Variants in KCNH5 observed in about 807,000 individuals in gnomAD.
KCNH5 encodes the protein potassium voltage-gated channel subfamily H member 5.
Under a neutral mutation model 96.1 loss-of-function variants are expected in KCNH5, and 46 were observed. The observed-to-expected ratio is 0.48, with a 90% confidence interval of 0.38 to 0.61. The LOEUF is 0.61. Among genes scored for constraint, KCNH5 ranks in the 20% least tolerant of loss-of-function variants. KCNH5 has a pLI of 0.00. For synonymous variants in KCNH5, 439 were observed against 449.8 expected, an observed-to-expected ratio of 0.98 and a Z score of 0.30; for missense variants, 907 against 1,225.8, an observed-to-expected ratio of 0.74 and a Z score of 3.88.
chr14:62,712,655 G>A (rs371632437), intron 10 of KCNH5: 14 of 776,202 alleles, frequency 1.8e-5, no homozygotes, highest in Middle Eastern at 4.5e-4. Flanking sequence ...GTAGGAAGTC[G>A]TGCAGCAGTT....
chr14:62,850,127 A>G (rs1213934058), intron 7 of KCNH5, among the ~76,000 whole-genome samples: 2 of 152,170 alleles, frequency 1.3e-5, no homozygotes, highest in Admixed American at 1.3e-4. Flanking sequence ...ATCCAAAGTT[A>G]TAATTTTCTG....
chr14:63,001,312 T>A lies in KCNH5; in HGVS notation c.433+19A>T. 1 of 1,591,412 alleles carries A rather than the reference T, an allele frequency of 6.3e-7. No individual in the cohort carries two copies. Among genetic ancestry groups the A allele is most frequent in the African/African-American group, 1.3e-5 (1 of 74,110 alleles). On this transcript the variant is annotated intron_variant, in intron 4 of 10. Coordinates refer to ENST00000322893, the MANE Select transcript of KCNH5 (RefSeq NM_139318.5). ...GCAACAGCCTAATTTTTCAGTGTAGTAATTCTTTTGAAAATTACCTTTTGT... is the reference window on the plus strand; with the variant it reads ...GCAACAGCCTAATTTTTCAGTGTAGAAATTCTTTTGAAAATTACCTTTTGT...
intron 8 of KCNH5, among the ~76,000 whole-genome samples, chr14:62,843,007 T>C (rs148412898): frequency 2.4e-4 from 37 of 152,316 alleles, no homozygotes; most frequent in African/African-American, 8.4e-4. Flanking sequence ...CATATGTGCC[T>C]AAATCTTTTA....
At chr14:62,864,321 A>T (rs569133333) in intron 7 of KCNH5, among the ~76,000 whole-genome samples, 17 of 152,198 alleles carry the variant, frequency 1.1e-4, no homozygotes, top group Non-Finnish European at 2.1e-4. Context: ...AATTAGGTCA[A>T]TTTCCAATTT....
chr14:62,852,686 G>C (rs1887831380), intron 7 of KCNH5, among the ~76,000 whole-genome samples: 1 of 151,438 alleles, frequency 6.6e-6, no homozygotes, highest in Non-Finnish European at 1.5e-5. Flanking sequence ...ATAGATTCAT[G>C]TCATTTACAT....
chr14:63,005,181 T>A (rs1414553452), intron 3 of KCNH5, among the ~76,000 whole-genome samples: 1 of 152,198 alleles, frequency 6.6e-6, no homozygotes, highest in South Asian at 2.1e-4. Context: ...TAGCTATGAC[T>A]TCAAACTGAA....
chr14:63,028,288 A>C (rs1445576013), intron 1 of KCNH5, among the ~76,000 whole-genome samples: 1 of 152,106 alleles, frequency 6.6e-6, no homozygotes, highest in Non-Finnish European at 1.5e-5. Flanking sequence ...GGGTCCAGCT[A>C]TCACTACCCA....
intron 5 of KCNH5, among the ~76,000 whole-genome samples, chr14:62,982,906 T>A (rs1247016352): frequency 1.3e-5 from 2 of 152,200 alleles, no homozygotes; most frequent in Non-Finnish European, 2.9e-5. Context: ...TAACAGCAAA[T>A]CATCCTACCA....
At position 62,954,183 on chromosome 14, in the gene KCNH5, TTACA is replaced by T. The variant is rs144887412; in HGVS notation, c.943-3628_943-3625del. Reference sequence around the variant, plus strand: ...TCCCCCACTCTTAGTGGTTAGGATCTTACATACAGTTTATGACAAATACTCTCTC... The same window carrying T: ...TCCCCCACTCTTAGTGGTTAGGATCTTACAGTTTATGACAAATACTCTCTC... On this transcript the variant is annotated intron_variant, in intron 6 of 10. Transcript: ENST00000322893. Among the ~76,000 whole-genome samples, 200 of 152,326 alleles carry T rather than the reference TTACA, an allele frequency of 1.3e-3. 6 individuals carry two copies. The East Asian group carries it at 0.032, about 24-fold the overall frequency.
At chr14:62,834,682 A>G (rs1243591700) in intron 8 of KCNH5, among the ~76,000 whole-genome samples, 2 of 152,158 alleles carry the variant, frequency 1.3e-5, no homozygotes, top group Middle Eastern at 3.4e-3. Context: ...TGGACTCATC[A>G]TCGGTATTTG....
At chr14:62,809,150 A>C (rs993143031) in intron 8 of KCNH5, among the ~76,000 whole-genome samples, 3 of 152,162 alleles carry the variant, frequency 2.0e-5, no homozygotes, top group African/African-American at 7.2e-5. Context: ...GTAGCAATTG[A>C]GCAAAGTATA....
chr14:62,729,208 G>A (rs943164750), intron 10 of KCNH5, among the ~76,000 whole-genome samples: 1 of 152,012 alleles, frequency 6.6e-6, no homozygotes, highest in African/African-American at 2.4e-5. Flanking sequence ...AGTACCTGAG[G>A]TTTCATCACT....
intron 10 of KCNH5, among the ~76,000 whole-genome samples, chr14:62,758,604 T>C (rs181261721): frequency 5.3e-5 from 8 of 152,270 alleles, no homozygotes; most frequent in Admixed American, 4.6e-4. Flanking sequence ...GTAATATCAT[T>C]ATGCATTTAA....
intron 6 of KCNH5, among the ~76,000 whole-genome samples, chr14:62,953,546 T>C (rs545655014): frequency 2.3e-4 from 35 of 152,114 alleles, no homozygotes; most frequent in Non-Finnish European, 3.1e-4. Flanking sequence ...ACCGTTTGCT[T>C]CTCCCAAATC....
chr14:62,971,683 G>A (rs1890410890), intron 6 of KCNH5, among the ~76,000 whole-genome samples: 1 of 151,944 alleles, frequency 6.6e-6, no homozygotes, highest in African/African-American at 2.4e-5. Context: ...TCAGAATAGT[G>A]AATCCAGGAA....
chr14:62,866,087 T>C (rs1888129427), intron 7 of KCNH5, among the ~76,000 whole-genome samples: 1 of 152,200 alleles, frequency 6.6e-6, no homozygotes, highest in African/African-American at 2.4e-5. Flanking sequence ...CTACTTATTA[T>C]ACTTCCTAGG....
At chr14:62,880,336 A>G (rs1888467447) in intron 7 of KCNH5, among the ~76,000 whole-genome samples, 1 of 152,242 alleles carries the variant, frequency 6.6e-6, no homozygotes, top group Non-Finnish European at 1.5e-5. Flanking sequence ...AATTCCATAT[A>G]CCACTGTGAA....
chr14:63,003,588 ATATATTTATATATT>A (rs1388901848), intron 3 of KCNH5, among the ~76,000 whole-genome samples: 3 of 124,720 alleles, frequency 2.4e-5, no homozygotes, highest in African/African-American at 6.6e-5. Flanking sequence ...TACATAATAT[ATATATTTATATATT>A]TATATTTATA....
At chr14:62,865,470 T>C (rs1888116736) in intron 7 of KCNH5, among the ~76,000 whole-genome samples, 1 of 152,090 alleles carries the variant, frequency 6.6e-6, no homozygotes, top group Non-Finnish European at 1.5e-5. Context: ...TAATCTGGAA[T>C]CGCACAGGTA....
Sources: allele counts gnomAD v4.1 joint callset (sites outside exome capture counted in the v4.1 genomes callset), GRCh38; gene constraint gnomAD v4.1.1; transcripts MANE v1.5; gene names NCBI Gene and HGNC (gene_info 2026-07-23, HGNC 2026-07-21).